HKDC1: variants seen among roughly 807,000 people sequenced by gnomAD.
HKDC1 encodes hexokinase domain containing 1.
HKDC1 carries 66 observed loss-of-function variants against 96.6 expected under a neutral mutation model. That is an observed-to-expected ratio of 0.68 (90% CI 0.56 to 0.84). HKDC1 has a LOEUF of 0.84. HKDC1 is among the 40% of genes least tolerant of loss of function. HKDC1 has a pLI of 0.00. For synonymous variants in HKDC1, 466 were observed against 473.1 expected (o/e 0.98, Z 0.20); for missense variants, 1,211 against 1,208.1 (o/e 1.00, Z -0.04).
At chr10:69,251,598 G>A (rs765467748) in intron 12 of HKDC1, among the ~76,000 whole-genome samples, 3 of 152,102 alleles carry the variant, frequency 2.0e-5, no homozygotes, top group Non-Finnish European at 4.4e-5. Flanking sequence ...TAACAATAGC[G>A]AGTTCCAATC....
At chr10:69,244,039 G>A (rs184528119) in intron 7 of HKDC1, among the ~76,000 whole-genome samples, 159 of 152,036 alleles carry the variant, frequency 1.0e-3, no homozygotes, top group African/African-American at 3.5e-3. Context: ...CGAACTCGTC[G>A]TGTTCGCATG....
intron 10 of HKDC1, 49 bp from the exon 11 acceptor site, chr10:69,250,241 C>G (rs561860560): frequency 2.5e-6 from 4 of 1,581,344 alleles, no homozygotes; most frequent in Non-Finnish European, 3.4e-6. Flanking sequence ...CCCAATGCCC[C>G]GACACAAGTC....
At chr10:69,251,589 A>G (rs1474809254) in intron 12 of HKDC1, among the ~76,000 whole-genome samples, 2 of 152,192 alleles carry the variant, frequency 1.3e-5, no homozygotes, top group African/African-American at 4.8e-5. Context: ...TTGCCACCTT[A>G]ACAATAGCGA....
chr10:69,234,216 A>G (rs1479336123), intron 4 of HKDC1, among the ~76,000 whole-genome samples: 2 of 152,078 alleles, frequency 1.3e-5, no homozygotes, highest in Admixed American at 6.6e-5. Context: ...TATGATGCCC[A>G]GTTGACAGTC....
At position 69,258,897 on chromosome 10, in the gene HKDC1, T is replaced by C. The variant is rs1056308077; in HGVS notation, c.2154T>C (p.Asp718=). 5.0e-6 allele frequency: 8 copies of C among 1,610,160 alleles called. No individual in the cohort carries two copies. The Admixed American group carries it at 1.2e-4, about 24-fold the overall frequency. Residue 718 remains aspartate, a synonymous_variant, in exon 15 of 18, where the codon GAT becomes GAC. Transcript: ENST00000354624. ...GATTTGGAGACAATGGCTGCATAGA[T>C]GACATCTGGACCCGATACGACACGG... The part of the protein sequence containing the change: ...WGGFGDNGCI[D]DIWTRYDTEV...
At chr10:69,245,312 C>T (rs755452497) in intron 7 of HKDC1, among the ~76,000 whole-genome samples, 40 of 152,018 alleles carry the variant, frequency 2.6e-4, no homozygotes, top group Non-Finnish European at 4.0e-4. Flanking sequence ...AGGCCTGATG[C>T]GGTGGCTCTT....
intron 10 of HKDC1, among the ~76,000 whole-genome samples, chr10:69,249,182 C>T (rs1009880862): frequency 9.2e-5 from 14 of 152,328 alleles, no homozygotes; most frequent in South Asian, 2.1e-4. Context: ...TTCTGGTCCT[C>T]GGTGCTCAGC....
At chr10:69,243,755 C>G (rs1256375994) in intron 7 of HKDC1, among the ~76,000 whole-genome samples, 1 of 152,180 alleles carries the variant, frequency 6.6e-6, no homozygotes, top group African/African-American at 2.4e-5. Context: ...CCTCAGCCTC[C>G]CAAAGTGCTG....
At chr10:69,242,284 T>TG (rs5785903) in intron 6 of HKDC1, among the ~76,000 whole-genome samples, 2 of 151,962 alleles carry the variant, frequency 1.3e-5, no homozygotes, top group South Asian at 2.1e-4. Flanking sequence ...AACCACAGAT[T>TG]GGGGGGGCCA....
At chr10:69,242,388 A>C (rs1181139631) in intron 6 of HKDC1, among the ~76,000 whole-genome samples, 2 of 151,350 alleles carry the variant, frequency 1.3e-5, no homozygotes, top group African/African-American at 4.9e-5. Flanking sequence ...TTGGCATTTA[A>C]AATACTCATA....
intron 10 of HKDC1, 101 bp downstream of exon 10, chr10:69,248,829 G>A (rs937336531): frequency 8.6e-5 from 93 of 1,084,754 alleles, no homozygotes; most frequent in Non-Finnish European, 1.1e-4. Flanking sequence ...TTGGGTTCAC[G>A]TCTCTAATGG....
At chr10:69,247,691 C>A in intron 9 of HKDC1, 98 bp downstream of exon 9, 1 of 867,480 alleles carries the variant, frequency 1.2e-6, no homozygotes, top group Non-Finnish European at 1.8e-6. Flanking sequence ...GGTCTGGAAC[C>A]AACAACCCCT....
intron 12 of HKDC1, among the ~76,000 whole-genome samples, chr10:69,253,694 A>G (rs1248348671): frequency 6.6e-6 from 1 of 152,210 alleles, no homozygotes; most frequent in Non-Finnish European, 1.5e-5. Context: ...TCGAGGCAGC[A>G]TAGGATTGAA....
Position 69,261,304 on chromosome 10 carries a change from G to C in HKDC1, c.2372+10G>C, listed in dbSNP as rs1347056796. ...TGTCCCAGATCGAAAGGTGACCTGT[G>C]ATCAAGTTCATCATGAGGCTCTGAC... is the stretch of plus-strand genomic sequence containing the variant. On this transcript the variant is annotated intron_variant, in intron 16 of 17. Coordinates refer to ENST00000354624, the MANE Select transcript of HKDC1 (RefSeq NM_025130.4). 6.2e-7 allele frequency: 1 copy of C among 1,612,582 alleles called. No individual in the cohort carries two copies. The highest frequency in any genetic ancestry group is 1.7e-5 in the Admixed American group (1 of 59,968).
At position 69,248,589 on chromosome 10, in the gene HKDC1, C is replaced by T; in HGVS notation, c.1431C>T (p.Phe477=). ...RKQIDRVLAL[F]QLTREQLVDV... is the part of the protein sequence containing the mutation. ...AGATCGACAGGGTGCTGGCTTTGTT[C>T]CAGCTGACCCGAGAGCAGCTCGTGG... The change falls in exon 10 of 18, where the codon TTC becomes TTT. Residue 477 remains phenylalanine (F), a synonymous_variant. Transcript: ENST00000354624. 6.2e-7 allele frequency: 1 copy of T among 1,614,136 alleles called. No individual in the cohort carries two copies. The highest frequency in any genetic ancestry group is 8.5e-7 in the Non-Finnish European group (1 of 1,180,036).
intron 1 of HKDC1, chr10:69,223,092 A>T (rs1564722381): frequency 6.6e-6 from 1 of 152,222 alleles, no homozygotes; most frequent in Non-Finnish European, 1.5e-5. Context: ...AACCACTCTG[A>T]CAGATTCTTT....
At chr10:69,253,115 G>A (rs1199083562) in intron 12 of HKDC1, among the ~76,000 whole-genome samples, 1 of 152,172 alleles carries the variant, frequency 6.6e-6, no homozygotes, top group Non-Finnish European at 1.5e-5. Flanking sequence ...TCAGTATTGT[G>A]TGTTTTTTGC....
chr10:69,266,562 C>G, intron 17 of HKDC1, 48 bp from the exon 18 acceptor site: 2 of 1,584,868 alleles, frequency 1.3e-6, no homozygotes, highest in Non-Finnish European at 1.7e-6. Flanking sequence ...TATAAATGTT[C>G]TGATTCTACA....
intron 1 of HKDC1, among the ~76,000 whole-genome samples, chr10:69,224,537 C>T (rs1843118050): frequency 6.6e-6 from 1 of 152,192 alleles, no homozygotes; most frequent in East Asian, 1.9e-4. Flanking sequence ...CCCGCCTCGG[C>T]CTCCCAAAGT....
Sources: allele counts gnomAD v4.1 joint callset (sites outside exome capture counted in the v4.1 genomes callset), GRCh38; gene constraint gnomAD v4.1.1; transcripts MANE v1.5; gene names NCBI Gene and HGNC (gene_info 2026-07-23, HGNC 2026-07-21).